The following CHST5 variants were observed in gnomAD, a reference collection of about 807,000 sequenced individuals.
The protein encoded by CHST5 is carbohydrate sulfotransferase 5.
For missense variants in CHST5, 637 were observed against 602.1 expected, an observed-to-expected ratio of 1.06 and a Z score of -0.61; for synonymous variants, 313 against 279.2, an observed-to-expected ratio of 1.12 and a Z score of -1.21.
intron 2 of CHST5, among the ~76,000 whole-genome samples, chr16:75,533,979 C>T (rs909657996): frequency 7.3e-6 from 1 of 137,404 alleles, no homozygotes; most frequent in African/African-American, 2.8e-5. Flanking sequence ...ACACAGGTTA[C>T]AGTGGCCGAG....
rs759282590 is a variant in CHST5 at position 75,530,326 on chromosome 16, G to C, written c.59C>G (p.Ala20Gly). ...GGAGAACCGTGGCAGCCACATGCGG[G>C]CGGCTGGGGGCCTTCGGGTGGAGTG... ...VAHSTRRPPA[A>G]RMWLPRFSSK... is the part of the protein sequence containing the mutation. The change falls in exon 4 of 4, where the codon GCC becomes GGC. Residue 20 changes from alanine to glycine, a missense_variant. Physicochemically the swap from Ala to Gly is moderately conservative, Grantham distance 60. Transcript: ENST00000336257. 1.4e-5 allele frequency: 23 copies of C among 1,600,032 alleles called. No homozygotes were observed.
At position 75,535,267 on chromosome 16, in the gene CHST5, G is replaced by C. The variant is rs1171870308; in HGVS notation, c.-1492C>G. ...CTCTTTCTCTTCACTGGGAGGTTCC[G>C]CAGGGGCTGACTTGCTCCTTAAGGT... is the stretch of plus-strand genomic sequence containing the variant. On this transcript the variant is annotated 5_prime_UTR_variant, in exon 2 of 4. Coordinates refer to ENST00000336257, the MANE Select transcript of CHST5 (RefSeq NM_024533.5). The C allele has an allele frequency of 6.6e-6, 1 of 152,404 alleles. No homozygotes were observed. The highest frequency in any genetic ancestry group is 1.5e-5 in the Non-Finnish European group (1 of 68,196). The allele number at this position is 152,404 out of a possible 1,614,324, so 9.4% of individuals were successfully genotyped here.
chr16:75,530,284 A>C lies in CHST5; in HGVS notation c.101T>G (p.Val34Gly). 1.2e-6 allele frequency: 2 copies of C among 1,612,382 alleles called. No homozygotes were observed. Among genetic ancestry groups the C allele is most frequent in the Non-Finnish European group, 8.5e-7 (1 of 1,179,578 alleles). ...LPRFSSKTVT[V>G]LLLAQTTCLL... ...GCAGGTGGTCTGTGCCAGGAGGAGC[A>C]CTGTCACTGTCTTGCTGGAGAACCG... The change falls in exon 4 of 4, where the codon GTG becomes GGG. Residue 34 changes from valine (V) to glycine (G), a missense_variant. Val to Gly is a moderately radical substitution (Grantham distance 109). Coordinates refer to ENST00000336257, the MANE Select transcript of CHST5 (RefSeq NM_024533.5).
At chr16:75,534,605 C>A (rs541328313) in intron 2 of CHST5, among the ~76,000 whole-genome samples, 1 of 152,330 alleles carries the variant, frequency 6.6e-6, no homozygotes, top group African/African-American at 2.4e-5. Flanking sequence ...CAGGCCACTG[C>A]ACTTCAGCCT....
chr16:75,529,464 G>C lies in CHST5; in HGVS notation c.921C>G (p.Arg307=), dbSNP rs370066784. The part of the protein sequence containing the change: ...DLAREPLAEI[R]ALYAFTGLTL... ...TCAGGCCGGTGAAGGCGTAGAGTGC[G>C]CGGATCTCTGCCAGCGGCTCCCGCG... The change falls in exon 4 of 4, where the codon CGC becomes CGG. Residue 307 remains arginine (R), a synonymous_variant. Coordinates refer to ENST00000336257, the MANE Select transcript of CHST5 (RefSeq NM_024533.5). 6.2e-7 allele frequency: 1 copy of C among 1,612,512 alleles called. No individual in the cohort carries two copies. Among genetic ancestry groups the C allele is most frequent in the African/African-American group, 1.3e-5 (1 of 74,936 alleles).
chr16:75,529,769 G>A lies in CHST5; in HGVS notation c.616C>T (p.Leu206Phe), dbSNP rs772731515. ...KEVRFFNLQV[L>F]YPLLSDPALN... Reference sequence around the variant, plus strand: ...GCGGGGTCGCTGAGCAGCGGGTAGAGCACCTGCAGGTTGAAGAAGCGCACC... The same window carrying A: ...GCGGGGTCGCTGAGCAGCGGGTAGAACACCTGCAGGTTGAAGAAGCGCACC... The change falls in exon 4 of 4, where the codon CTC becomes TTC. Residue 206 changes from leucine (L) to phenylalanine (F), a missense_variant. Coordinates refer to ENST00000336257, the MANE Select transcript of CHST5 (RefSeq NM_024533.5). 8.1e-6 allele frequency: 13 copies of A among 1,613,552 alleles called. No homozygotes were observed. Among genetic ancestry groups the A allele is most frequent in the Non-Finnish European group, 1.1e-5 (13 of 1,179,898 alleles).
Position 75,531,399 on chromosome 16 carries a change from C to A in CHST5, c.-1015G>T. 1 of 1,114,796 alleles carries A rather than the reference C, an allele frequency of 9.0e-7. No homozygotes were observed. The highest frequency in any genetic ancestry group is 2.2e-5 in the South Asian group (1 of 45,022). The allele number at this position is 1,114,796 out of a possible 1,614,324, so 69.1% of individuals were successfully genotyped here. On this transcript the variant is annotated 5_prime_UTR_variant, in exon 4 of 4. Coordinates refer to ENST00000336257, the MANE Select transcript of CHST5 (RefSeq NM_024533.5). ...AGTAAATAAAGTGGACAAAGAACAG[C>A]AACTGTTGTCATCACTGGTGGGGAG...
At position 75,533,112 on chromosome 16, in the gene CHST5, T is replaced by C; in HGVS notation, c.-1280A>G. On this transcript the variant is annotated 5_prime_UTR_variant, in exon 3 of 4. Transcript: ENST00000336257. ...ACCTGTGTTCCAGGAAAGCCAGAGG[T>C]CTTCTTAAGGTGGTTGAATCACTCT... The C allele has an allele frequency of 1.4e-6, 1 of 701,908 alleles. No homozygotes were observed. Among genetic ancestry groups the C allele is most frequent in the Non-Finnish European group, 2.6e-6 (1 of 384,666 alleles). The allele number at this position is 701,908 out of a possible 1,614,324, so 43.5% of individuals were successfully genotyped here.
chr16:75,529,427 G>C lies in CHST5; in HGVS notation c.958C>G (p.Gln320Glu), dbSNP rs2080491519. Reference protein sequence around the residue: ...YAFTGLTLTPQLEAWIHNITH... With the variant: ...YAFTGLTLTPELEAWIHNITH... The stretch of plus-strand genomic sequence containing the variant: ...ATGTTGTGGATCCAGGCCTCGAGCT[G>C]TGGCGTGAGGGTCAGGCCGGTGAAG... The change falls in exon 4 of 4, where the codon CAG becomes GAG. Residue 320 changes from glutamine to glutamate, a missense_variant. By Grantham distance (29) the Gln-to-Glu change is conservative. Coordinates refer to ENST00000336257, the MANE Select transcript of CHST5 (RefSeq NM_024533.5). 3 of 1,613,034 alleles carry C rather than the reference G, an allele frequency of 1.9e-6. No individual in the cohort carries two copies. Among genetic ancestry groups the C allele is most frequent in the Non-Finnish European group, 2.5e-6 (3 of 1,179,928 alleles).
chr16:75,529,312 G>A lies in CHST5; in HGVS notation c.1073C>T (p.Ala358Val), dbSNP rs751961018. The A allele has an allele frequency of 6.2e-7, 1 of 1,613,192 alleles. No homozygotes were observed. Among genetic ancestry groups the A allele is most frequent in the Non-Finnish European group, 8.5e-7 (1 of 1,179,904 alleles). The change falls in exon 4 of 4, where the codon GCG becomes GTG. Residue 358 changes from alanine (A) to valine (V), a missense_variant. Physicochemically the swap from Ala to Val is moderately conservative, Grantham distance 64. Transcript: ENST00000336257. ...ARNVSQAWRH[A>V]LPFTKILRVQ... ...GCGCAGGATCTTAGTGAAGGGCAAC[G>A]CGTGGCGCCAGGCCTGGGAGACGTT...
At position 75,531,343 on chromosome 16, in the gene CHST5, A is replaced by G; in HGVS notation, c.-959T>C. On this transcript the variant is annotated 5_prime_UTR_variant, in exon 4 of 4. Transcript: ENST00000336257. ...TTCAAAAAAAAAAAAAAAAACAACA[A>G]AAAAAAAACTTTTGTCATTAAAGAT... 2 of 1,027,476 alleles carry G rather than the reference A, an allele frequency of 1.9e-6. No individual in the cohort carries two copies. Among genetic ancestry groups the G allele is most frequent in the Non-Finnish European group, 2.4e-6 (2 of 843,114 alleles). The allele number at this position is 1,027,476 out of a possible 1,614,324, so 63.6% of individuals were successfully genotyped here. A position where few individuals can be genotyped will look rare whatever the true frequency, so the allele number is the denominator to read the frequency against.
chr16:75,530,094 A>G lies in CHST5; in HGVS notation c.291T>C (p.His97=), dbSNP rs751921914. 1.9e-6 allele frequency: 3 copies of G among 1,613,444 alleles called. No individual in the cohort carries two copies. Among genetic ancestry groups the G allele is most frequent in the Non-Finnish European group, 2.5e-6 (3 of 1,179,958 alleles). Residue 97 remains histidine, a synonymous_variant, in exon 4 of 4, where the codon CAT becomes CAC. Transcript: ENST00000336257. ...DVFYLMEPAW[H]VWTTLSQGSA... is the part of the protein sequence containing the mutation. The stretch of plus-strand genomic sequence containing the variant: ...TGCCCTGCGACAGGGTGGTCCACAC[A>G]TGCCACGCGGGCTCCATCAGGTAGA...
rs746349892 is a variant in CHST5 at position 75,529,672 on chromosome 16, G to T, written c.713C>A (p.Pro238Gln). 2.5e-6 allele frequency: 4 copies of T among 1,610,120 alleles called. No homozygotes were observed. The South Asian group carries it at 3.3e-5, about 13-fold the overall frequency. The stretch of plus-strand genomic sequence containing the variant: ...GATGCCGTTGTCGCGTGCCAGTATC[G>T]GGCCCGCCGCCTCCCGGGAGCGCAG... ...AVLRSREAAG[P>Q]ILARDNGIVL... The change falls in exon 4 of 4, where the codon CCG becomes CAG. Residue 238 changes from proline to glutamine, a missense_variant. By Grantham distance (76) the Pro-to-Gln change is moderately conservative. Transcript: ENST00000336257.
chr16:75,533,312 C>G lies in CHST5; in HGVS notation c.-1351-129G>C, dbSNP rs2080538648. ...GATTGAATGTTATCCTCCCAAGTCC[C>G]TTGGAGGTAGAAATAACCATCCCTA... On this transcript the variant is annotated intron_variant, in intron 2 of 3. Coordinates refer to ENST00000336257, the MANE Select transcript of CHST5 (RefSeq NM_024533.5). 4.4e-6 allele frequency: 3 copies of G among 686,516 alleles called. No individual in the cohort carries two copies. In the East Asian group the frequency reaches 8.1e-5, roughly 19 times the overall value. 42.5% of individuals were successfully genotyped at this position (686,516 alleles called of 1,614,324 possible).
intron 2 of CHST5, 146 bp from the exon 3 acceptor site, chr16:75,533,329 C>T (rs1388489887): frequency 3.0e-6 from 2 of 674,146 alleles, no homozygotes; most frequent in Non-Finnish European, 5.4e-6. Flanking sequence ...GTAGAAATAA[C>T]CATCCCTATC....
In CHST5 at chr16:75,530,449, T is replaced by C. The variant is rs557269104; in HGVS notation, c.-65A>G. 18 of 1,461,304 alleles carry C rather than the reference T, an allele frequency of 1.2e-5. No individual in the cohort carries two copies. Among genetic ancestry groups the C allele is most frequent in the African/African-American group, 7.1e-5 (5 of 70,210 alleles). 90.5% of individuals were successfully genotyped at this position (1,461,304 alleles called of 1,614,324 possible). A position where few individuals can be genotyped will look rare whatever the true frequency, so the allele number is the denominator to read the frequency against. On this transcript the variant is annotated 5_prime_UTR_variant, in exon 4 of 4. The change abolishes an upstream ATG in the 5' untranslated region. Transcript: ENST00000336257. ...CCCTCAGATTCGGCTACCCTACCCA[T>C]TGGACTTCCCAAGACTCCCAAGGTC...
chr16:75,530,660 G>T lies in CHST5; in HGVS notation c.-276C>A. The T allele has an allele frequency of 7.7e-7, 1 of 1,298,890 alleles. No individual in the cohort carries two copies. Among genetic ancestry groups the T allele is most frequent in the South Asian group, 2.3e-5 (1 of 42,738 alleles). The allele number at this position is 1,298,890 out of a possible 1,614,324, so 80.5% of individuals were successfully genotyped here. On this transcript the variant is annotated 5_prime_UTR_variant, in exon 4 of 4. Transcript: ENST00000336257. ...AGAGAGAAATACTATGTTTCAAAGA[G>T]AACTCCTGTCTTTTGCTTCAGGATA...
At chr16:75,534,911 C>T (rs2080550600) in intron 2 of CHST5, among the ~76,000 whole-genome samples, 1 of 152,218 alleles carries the variant, frequency 6.6e-6, no homozygotes, top group African/African-American at 2.4e-5. Flanking sequence ...TGAGGATTCC[C>T]GCGTGCAGCC....
At chr16:75,532,278 C>T (rs1000848031) in intron 3 of CHST5, among the ~76,000 whole-genome samples, 2 of 152,156 alleles carry the variant, frequency 1.3e-5, no homozygotes, top group Admixed American at 6.5e-5. Context: ...CTTTAGTGGA[C>T]CTTAAGAATG....
Sources: allele counts gnomAD v4.1 joint callset (sites outside exome capture counted in the v4.1 genomes callset), GRCh38; gene constraint gnomAD v4.1.1; transcripts MANE v1.5; gene names NCBI Gene and HGNC (gene_info 2026-07-23, HGNC 2026-07-21).